Variants in SLC19A1 observed in about 807,000 individuals in gnomAD.
The protein encoded by SLC19A1 is solute carrier family 19 member 1.
SLC19A1 carries 37 observed loss-of-function variants against 35.3 expected under a neutral mutation model. The ratio of observed to expected loss-of-function variants is 1.05; its 90% CI spans 0.81 to 1.38. The LOEUF (loss-of-function observed/expected upper bound fraction) is 1.38. SLC19A1 is among the 40% of genes most tolerant of loss of function. The pLI, the probability that SLC19A1 is intolerant of heterozygous loss-of-function variation, is 0.00. For missense variants in SLC19A1, 831 were observed against 826.9 expected (o/e 1.00, Z -0.06); for synonymous variants, 460 against 398.5 (o/e 1.15, Z -1.84).
At chr21:45,509,326 G>C (rs570228568), downstream of SLC19A1, 4 of 1,539,354 alleles carry the variant, frequency 2.6e-6, no homozygotes, top group African/African-American at 1.4e-5. Flanking sequence ...GGGTCCCCCC[G>C]CCGACAGGCC....
upstream of SLC19A1, among the ~76,000 whole-genome samples, chr21:45,548,788 TTAAA>T (rs1445330082): frequency 2.0e-5 from 3 of 152,106 alleles, no homozygotes; most frequent in South Asian, 2.1e-4. Flanking sequence ...ATTTGAACAC[TTAAA>T]TAAGACGTGA....
intron 3 of SLC19A1, chr21:45,505,995 C>T (rs1295250141): frequency 4.3e-6 from 7 of 1,612,722 alleles, no homozygotes; most frequent in East Asian, 2.2e-5. Flanking sequence ...GGGTTCTGGA[C>T]CCGTGGAAGG....
intron 1 of SLC19A1, 123 bp from the exon 2 acceptor site, chr21:45,538,131 T>A: frequency 5.2e-6 from 3 of 572,570 alleles, no homozygotes; most frequent in Non-Finnish European, 9.1e-6. Context: ...TGGAGACGAA[T>A]GCAGACCCCA....
rs533093480 is a variant in SLC19A1, at chr21:45,557,940, T to G, written c.-50+4802A>C. Reference sequence around the variant, plus strand: ...GATGCTCACCTTTGCCTCCTGCGTGTCTGACGGAATCATTCCTGTTTAGAC... The same window carrying G: ...GATGCTCACCTTTGCCTCCTGCGTGGCTGACGGAATCATTCCTGTTTAGAC... On this transcript the variant is annotated intron_variant, in intron 1 of 5. Coordinates refer to the SLC19A1 transcript ENST00000650808. 1.7e-4 allele frequency among the ~76,000 whole-genome samples: 26 copies of G among 152,354 alleles called. No homozygotes were observed. In the South Asian group the frequency reaches 5.2e-3, roughly 30 times the overall value.
intron 4 of SLC19A1, among the ~76,000 whole-genome samples, chr21:45,527,940 T>C (rs1001061453): frequency 1.5e-5 from 2 of 135,636 alleles, no homozygotes; most frequent in Admixed American, 1.4e-4. Flanking sequence ...GCAAAGTGCT[T>C]AAAAAAAAAA....
At chr21:45,556,291 C>T (rs539127386) in intron 1 of SLC19A1, among the ~76,000 whole-genome samples, 1 of 152,294 alleles carries the variant, frequency 6.6e-6, no homozygotes, top group East Asian at 1.9e-4. Flanking sequence ...ACAGAAAGAC[C>T]GGGCGGACCC....
intron 4 of SLC19A1, among the ~76,000 whole-genome samples, chr21:45,528,332 G>A (rs867360036): frequency 6.6e-6 from 1 of 152,148 alleles, no homozygotes; most frequent in African/African-American, 2.4e-5. Context: ...GCGTGATGGG[G>A]GCACAGGTGA....
chr21:45,520,172 C>T (rs181978156), intron 5 of SLC19A1, among the ~76,000 whole-genome samples: 45 of 152,144 alleles, frequency 3.0e-4, no homozygotes, highest in Middle Eastern at 3.4e-3. Flanking sequence ...TTGTGGGATG[C>T]AACTAAAGCA....
At chr21:45,550,078 A>G (rs960142516) in intron 1 of SLC19A1, among the ~76,000 whole-genome samples, 6 of 152,058 alleles carry the variant, frequency 3.9e-5, no homozygotes, top group Non-Finnish European at 5.9e-5. Context: ...AAAAGTGGAC[A>G]GTGGGGGTCA....
upstream of SLC19A1, among the ~76,000 whole-genome samples, chr21:45,543,156 A>G (rs2078363807): frequency 6.6e-6 from 1 of 152,130 alleles, no homozygotes; most frequent in South Asian, 2.1e-4. Flanking sequence ...GGCCTCGCAG[A>G]CGGCAGCGCA....
At chr21:45,511,721 G>A (rs983435927), downstream of SLC19A1, among the ~76,000 whole-genome samples, 5 of 152,170 alleles carry the variant, frequency 3.3e-5, no homozygotes, top group African/African-American at 4.8e-5. Flanking sequence ...GGGGTGTCTC[G>A]GGGTGCCACA....
intron 1 of SLC19A1, among the ~76,000 whole-genome samples, chr21:45,559,228 A>T (rs1455013141): frequency 2.6e-5 from 4 of 152,222 alleles, no homozygotes. Context: ...CTTTAAGTCA[A>T]AAAGCACCAT....
intron 3 of SLC19A1, chr21:45,504,612 C>T: frequency 2.0e-6 from 3 of 1,500,982 alleles, no homozygotes; most frequent in Admixed American, 3.9e-5. Flanking sequence ...GGTGCAGGAG[C>T]CGAGGGCAGG....
chr21:45,507,661 G>A, downstream of SLC19A1: 9 of 1,446,344 alleles, frequency 6.2e-6, no homozygotes, highest in Non-Finnish European at 8.7e-6. Context: ...GCTGTCCCCT[G>A]TTTGAGGAAC....
chr21:45,529,348 GC>G (rs1452543605), intron 4 of SLC19A1, among the ~76,000 whole-genome samples: 1 of 152,230 alleles, frequency 6.6e-6, no homozygotes, highest in Admixed American at 6.5e-5. Context: ...GCTCAAACAG[GC>G]TCGTGACCAG....
downstream of SLC19A1, chr21:45,510,400 A>C: frequency 1.0e-6 from 1 of 997,304 alleles, no homozygotes; most frequent in Non-Finnish European, 1.5e-6. Flanking sequence ...TGGCGACTTC[A>C]GGGCAGGCTC....
At chr21:45,527,449 G>C (rs532752440) in intron 4 of SLC19A1, among the ~76,000 whole-genome samples, 3 of 145,560 alleles carry the variant, frequency 2.1e-5, no homozygotes, top group African/African-American at 7.8e-5. Context: ...GAGGTGAGTG[G>C]CAGCCAGGCA....
In SLC19A1 at chr21:45,557,373, C is replaced by T. The variant is rs772675414; in HGVS notation, c.-50+5369G>A. 2.6e-4 allele frequency among the ~76,000 whole-genome samples: 40 copies of T among 152,330 alleles called. 2 individuals carry two copies. The highest frequency in any genetic ancestry group is 8.2e-4 in the African/African-American group (34 of 41,580). On this transcript the variant is annotated intron_variant, in intron 1 of 5. Transcript: ENST00000650808. ...CGTGCCACATTCTCCTGAGGCTTCT[C>T]GTCTGCTCTGGGTGAACCAGGTGCT...
chr21:45,552,776 G>A (rs1003204424), intron 1 of SLC19A1, among the ~76,000 whole-genome samples: 1 of 152,132 alleles, frequency 6.6e-6, no homozygotes, highest in Non-Finnish European at 1.5e-5. Flanking sequence ...TGGCCCATGA[G>A]TCTGACCTGA....
Sources: gnomAD v4.1 joint callset for allele counts (sites outside exome capture counted in the v4.1 genomes callset) on GRCh38, gnomAD v4.1.1 for gene constraint, MANE v1.5 for transcripts, NCBI Gene and HGNC (gene_info 2026-07-23, HGNC 2026-07-21) for gene names.